KCNT2: variants seen among roughly 807,000 people sequenced by gnomAD.
The protein encoded by KCNT2 is potassium channel subfamily T member 2.
Under a neutral mutation model 153.8 loss-of-function variants are expected in KCNT2, and 67 were observed. The observed-to-expected ratio is 0.44, with a 90% CI of 0.36 to 0.53. The LOEUF is 0.53. Among genes scored for constraint, KCNT2 ranks in the 20% least tolerant of loss-of-function variants. The pLI, the probability that KCNT2 is intolerant of heterozygous loss-of-function variation, is 0.00. For missense variants in KCNT2, 975 were observed against 1,354.8 expected (o/e 0.72, Z 4.40); for synonymous variants, 500 against 458.8 (o/e 1.09, Z -1.15).
chr1:196,256,923 T>G (rs1420703856), intron 26 of KCNT2, among the ~76,000 whole-genome samples: 2 of 152,060 alleles, frequency 1.3e-5, no homozygotes, highest in Non-Finnish European at 1.5e-5. Context: ...AGTGGATTTC[T>G]AAAATGACGA....
chr1:196,486,505 G>A (rs1452838606), intron 3 of KCNT2, among the ~76,000 whole-genome samples: 1 of 151,900 alleles, frequency 6.6e-6, no homozygotes, highest in Non-Finnish European at 1.5e-5. Context: ...ACTTTTCCCA[G>A]AACACTTATG....
chr1:196,550,803 G>A (rs912914431), intron 1 of KCNT2, among the ~76,000 whole-genome samples: 1 of 151,732 alleles, frequency 6.6e-6, no homozygotes, highest in Non-Finnish European at 1.5e-5. Flanking sequence ...TATGGGGGCA[G>A]TAGAAGGGTA....
At chr1:196,567,610 G>C (rs184691354) in intron 1 of KCNT2, among the ~76,000 whole-genome samples, 2 of 152,162 alleles carry the variant, frequency 1.3e-5, no homozygotes, top group African/African-American at 4.8e-5. Flanking sequence ...ATTCACATGG[G>C]ACTATGTTCA....
chr1:196,272,747 A>G (rs1396121634), intron 25 of KCNT2, among the ~76,000 whole-genome samples: 2 of 151,934 alleles, frequency 1.3e-5, no homozygotes, highest in Non-Finnish European at 2.9e-5. Flanking sequence ...AATCTTGTCC[A>G]GGTTCATCCA....
intron 3 of KCNT2, among the ~76,000 whole-genome samples, chr1:196,487,942 C>T (rs1679563787): frequency 6.6e-6 from 1 of 151,944 alleles, no homozygotes; most frequent in African/African-American, 2.4e-5. Context: ...CTGTAAGCAT[C>T]AGCAGGCAAT....
chr1:196,492,213 T>C, intron 2 of KCNT2, 49 bp downstream of exon 2: 1 of 1,357,430 alleles, frequency 7.4e-7, no homozygotes, highest in Non-Finnish European at 9.6e-7. Context: ...TTGAAATATT[T>C]TGAAGTAAAT....
intron 26 of KCNT2, among the ~76,000 whole-genome samples, chr1:196,251,616 G>A (rs1655979182): frequency 6.6e-6 from 1 of 151,912 alleles, no homozygotes; most frequent in Non-Finnish European, 1.5e-5. Context: ...AATGGTAGTG[G>A]GGATGGGAGA....
intron 14 of KCNT2, among the ~76,000 whole-genome samples, chr1:196,361,762 A>C (rs777827535): frequency 1.3e-5 from 2 of 152,152 alleles, no homozygotes; most frequent in South Asian, 4.1e-4. Context: ...ACCACTCAAA[A>C]ACATACTTTA....
intron 14 of KCNT2, among the ~76,000 whole-genome samples, chr1:196,368,576 G>C (rs1160717540): frequency 6.6e-6 from 1 of 152,058 alleles, no homozygotes; most frequent in Non-Finnish European, 1.5e-5. Flanking sequence ...GAAGTCCTCA[G>C]AGAACAGCCT....
intron 21 of KCNT2, among the ~76,000 whole-genome samples, chr1:196,310,009 T>C (rs1402101364): frequency 6.6e-6 from 1 of 151,896 alleles, no homozygotes; most frequent in African/African-American, 2.4e-5. Context: ...ATTAATTTAT[T>C]CAATAAATAT....
At chr1:196,413,260 T>G (rs1672483427) in intron 12 of KCNT2, among the ~76,000 whole-genome samples, 1 of 151,646 alleles carries the variant, frequency 6.6e-6, no homozygotes, top group Admixed American at 6.6e-5. Flanking sequence ...TGGGTAAAAT[T>G]TAGACTCTGT....
At chr1:196,344,839 G>A (rs932593129) in intron 14 of KCNT2, among the ~76,000 whole-genome samples, 3 of 152,066 alleles carry the variant, frequency 2.0e-5, no homozygotes, top group Non-Finnish European at 2.9e-5. Context: ...TGCCCCTCAG[G>A]CAGCATCTTT....
At chr1:196,285,622 C>T in intron 23 of KCNT2, 35 bp downstream of exon 23, 1 of 1,309,506 alleles carries the variant, frequency 7.6e-7, no homozygotes, top group East Asian at 2.3e-5. Flanking sequence ...CAGAAAACAA[C>T]CATTTTAGAG....
At chr1:196,416,882 T>C (rs1373671260) in intron 12 of KCNT2, among the ~76,000 whole-genome samples, 1 of 151,984 alleles carries the variant, frequency 6.6e-6, no homozygotes, top group Admixed American at 6.6e-5. Context: ...TCTATTTTAT[T>C]TTGTACCCAT....
At chr1:196,458,673 C>T (rs549354611) in intron 8 of KCNT2, among the ~76,000 whole-genome samples, 2 of 151,896 alleles carry the variant, frequency 1.3e-5, no homozygotes, top group East Asian at 3.9e-4. Context: ...ATTTTTCAAG[C>T]TTTGGCATGT....
chr1:196,605,990 C>G (rs1179162368), intron 1 of KCNT2, among the ~76,000 whole-genome samples: 1 of 152,080 alleles, frequency 6.6e-6, no homozygotes, highest in Non-Finnish European at 1.5e-5. Flanking sequence ...GATATAATAT[C>G]CAAGACACGT....
intron 6 of KCNT2, 24 bp from the exon 7 acceptor site, chr1:196,467,810 C>G (rs369365431): frequency 5.4e-6 from 8 of 1,484,944 alleles, no homozygotes; most frequent in Non-Finnish European, 7.5e-6. Context: ...CAAAACAAAA[C>G]TAGACTTTTA....
intron 25 of KCNT2, among the ~76,000 whole-genome samples, chr1:196,270,093 G>T (rs192000183): frequency 9.9e-4 from 150 of 151,724 alleles, no homozygotes; most frequent in Non-Finnish European, 1.8e-3. Context: ...TTTTCTAAAG[G>T]TATAGAATTG....
In KCNT2 at chr1:196,342,137, A is replaced by T. The variant is rs1000540819; in HGVS notation, c.1495T>A (p.Phe499Ile). ...CTCTTTCCTTCATATTCAGCAAAAA[A>T]TGTACTTTCTTCCAAAACAATGTGG... ...VYHIVLEEST[F>I]FAEYEGKSFT... The change falls in exon 15 of 28, where the codon TTT (phenylalanine) becomes ATT (isoleucine). Residue 499 changes from phenylalanine to isoleucine, a missense_variant. Physicochemically the swap from Phe to Ile is conservative, Grantham distance 21. Transcript: ENST00000294725. The T allele has an allele frequency of 3.7e-6, 6 of 1,611,256 alleles. No homozygotes were observed.
Sources: gnomAD v4.1 joint callset for allele counts (sites outside exome capture counted in the v4.1 genomes callset) on GRCh38, gnomAD v4.1.1 for gene constraint, MANE v1.5 for transcripts, NCBI Gene and HGNC (gene_info 2026-07-23, HGNC 2026-07-21) for gene names.